Variants in EYS observed in about 807,000 individuals in gnomAD.
EYS encodes the protein protein eyes shut homolog.
EYS carries 250 observed loss-of-function variants against 282.1 expected under a neutral mutation model. That is an observed-to-expected ratio of 0.89 (90% CI 0.80 to 0.98). The LOEUF (loss-of-function observed/expected upper bound fraction) is 0.98, where lower values mean the gene tolerates loss of function less well. EYS is among the 50% of genes least tolerant of loss of function. EYS has a pLI of 0.00. For missense variants in EYS, 4,016 were observed against 3,709.0 expected (o/e 1.08, Z -2.15); for synonymous variants, 1,355 against 1,282.9 (o/e 1.06, Z -1.20).
intron 36 of EYS, among the ~76,000 whole-genome samples, chr6:63,842,102 T>A (rs905581680): frequency 5.9e-5 from 9 of 152,214 alleles, no homozygotes. Context: ...GTAGAATGAT[T>A]TATCATCCTT....
chr6:64,039,689 A>G (rs1770293079), intron 33 of EYS, among the ~76,000 whole-genome samples: 1 of 152,222 alleles, frequency 6.6e-6, no homozygotes, highest in South Asian at 2.1e-4. Flanking sequence ...TGTTTCCATG[A>G]AATTTATTTA....
intron 19 of EYS, among the ~76,000 whole-genome samples, chr6:64,860,535 G>A (rs1766203950): frequency 6.6e-6 from 1 of 152,200 alleles, no homozygotes; most frequent in Admixed American, 6.5e-5. Flanking sequence ...CTGGTACCAG[G>A]GAATGCAGTA....
chr6:64,348,374 C>T (rs1402044144), intron 29 of EYS, among the ~76,000 whole-genome samples: 1 of 151,186 alleles, frequency 6.6e-6, no homozygotes, highest in Non-Finnish European at 1.5e-5. Context: ...TTTTCCATAT[C>T]ATTCCTGTTT....
intron 41 of EYS, chr6:63,741,765 G>A (rs1409664291): frequency 9.0e-6 from 5 of 555,520 alleles, no homozygotes; most frequent in African/African-American, 3.7e-5. Context: ...AAGAGACCCC[G>A]TTCAATCTGA....
chr6:65,064,078 A>G (rs1029912669), intron 12 of EYS, among the ~76,000 whole-genome samples: 8 of 148,582 alleles, frequency 5.4e-5, no homozygotes, highest in Non-Finnish European at 1.2e-4. Flanking sequence ...ACTGCTATAC[A>G]GTAACATACT....
chr6:64,397,582 C>T (rs1208863387), intron 28 of EYS, among the ~76,000 whole-genome samples: 1 of 151,668 alleles, frequency 6.6e-6, no homozygotes, highest in African/African-American at 2.4e-5. Context: ...TTCATAATTT[C>T]CTTTTGTTAT....
At chr6:64,963,532 C>A (rs968310778) in intron 14 of EYS, among the ~76,000 whole-genome samples, 1 of 152,142 alleles carries the variant, frequency 6.6e-6, no homozygotes, top group African/African-American at 2.4e-5. Flanking sequence ...ATTTCTGAGA[C>A]CACCAAAAGA....
At chr6:65,099,522 T>TA (rs1459665451) in intron 12 of EYS, among the ~76,000 whole-genome samples, 1 of 150,508 alleles carries the variant, frequency 6.6e-6, no homozygotes, top group African/African-American at 2.4e-5. Flanking sequence ...ACTAAGTACC[T>TA]AAAAAAGTAG....
intron 30 of EYS, among the ~76,000 whole-genome samples, chr6:64,254,317 G>T (rs1767320159): frequency 6.6e-6 from 1 of 152,186 alleles, no homozygotes; most frequent in African/African-American, 2.4e-5. Flanking sequence ...ACAAAAAGGT[G>T]CATGCTGTTT....
chr6:64,336,572 C>G (rs1770857990), intron 29 of EYS, among the ~76,000 whole-genome samples: 1 of 152,050 alleles, frequency 6.6e-6, no homozygotes, highest in Non-Finnish European at 1.5e-5. Context: ...GTCATCAAGA[C>G]AGAAAGTCAA....
At chr6:63,785,663 A>G (rs1176335024) in intron 39 of EYS, among the ~76,000 whole-genome samples, 1 of 152,218 alleles carries the variant, frequency 6.6e-6, no homozygotes, top group Non-Finnish European at 1.5e-5. Context: ...TATTAGCAGT[A>G]AGGATTTATA....
At chr6:64,135,463 T>A (rs959133096) in intron 31 of EYS, among the ~76,000 whole-genome samples, 1 of 152,074 alleles carries the variant, frequency 6.6e-6, no homozygotes, top group African/African-American at 2.4e-5. Context: ...AAATAGACAC[T>A]ATAACACTAT....
intron 2 of EYS, among the ~76,000 whole-genome samples, chr6:65,607,386 T>C (rs960684232): frequency 6.6e-6 from 1 of 151,908 alleles, no homozygotes; most frequent in African/African-American, 2.4e-5. Flanking sequence ...TCAAGTTTTT[T>C]ACCCTTTGTG....
intron 35 of EYS, among the ~76,000 whole-genome samples, chr6:63,978,735 C>T (rs879635902): frequency 5.9e-4 from 89 of 152,016 alleles, no homozygotes; most frequent in Admixed American, 1.4e-3. Flanking sequence ...ACCTGATATC[C>T]TGTCTTTATG....
intron 31 of EYS, among the ~76,000 whole-genome samples, chr6:64,213,129 C>CTAA (rs1161669714): frequency 6.6e-6 from 1 of 152,106 alleles, no homozygotes; most frequent in Non-Finnish European, 1.5e-5. Flanking sequence ...GGAAAACTAA[C>CTAA]TAATGGGTAT....
chr6:64,146,399 G>T (rs1006800310), intron 31 of EYS, among the ~76,000 whole-genome samples: 2 of 152,136 alleles, frequency 1.3e-5, no homozygotes, highest in African/African-American at 4.8e-5. Context: ...ATATTTAAAA[G>T]AAATATTAGA....
chr6:65,061,917 T>C (rs1357009373), intron 12 of EYS, among the ~76,000 whole-genome samples: 3 of 151,974 alleles, frequency 2.0e-5, no homozygotes, highest in Non-Finnish European at 4.4e-5. Flanking sequence ...GGGTTTTCTG[T>C]TTCTTCTTAC....
Position 63,807,667 on chromosome 6 carries a change from G to A in EYS, c.7229-1295C>T, listed in dbSNP as rs62412962. Among the ~76,000 whole-genome samples, 765 of 152,098 alleles carry A rather than the reference G, an allele frequency of 5.0e-3. 4 individuals are homozygous for A. The highest frequency in any genetic ancestry group is 8.0e-3 in the Non-Finnish European group (541 of 67,972). On this transcript the variant is annotated intron_variant, in intron 36 of 42. Transcript: ENST00000503581. Reference sequence around the variant, plus strand: ...TAAAATCTTATCAGTTTATTCCCTGGGATGTGTGGCATAGGTTAAATGTAA... The same window carrying A: ...TAAAATCTTATCAGTTTATTCCCTGAGATGTGTGGCATAGGTTAAATGTAA...
At chr6:64,535,616 T>C (rs1174869313) in intron 26 of EYS, among the ~76,000 whole-genome samples, 1 of 150,960 alleles carries the variant, frequency 6.6e-6, no homozygotes, top group Non-Finnish European at 1.5e-5. Flanking sequence ...GGTGTGTGCC[T>C]GTACTCCCAG....
Sources: allele counts gnomAD v4.1 joint callset (sites outside exome capture counted in the v4.1 genomes callset), GRCh38; gene constraint gnomAD v4.1.1; transcripts MANE v1.5; gene names NCBI Gene and HGNC (gene_info 2026-07-23, HGNC 2026-07-21).